Variants in PHF2 observed in about 807,000 individuals in gnomAD.
PHF2 encodes the protein lysine-specific demethylase PHF2.
Under a neutral mutation model 120.5 loss-of-function variants are expected in PHF2, and 27 were observed. That is an observed-to-expected ratio of 0.22 (90% CI 0.17 to 0.31). The LOEUF (loss-of-function observed/expected upper bound fraction) is 0.31, where lower values mean the gene tolerates loss of function less well. Ranked by LOEUF, PHF2 falls within the 10% of genes least tolerant of loss-of-function variation. PHF2 has a pLI of 1.00. For missense variants in PHF2, 1,024 were observed against 1,434.8 expected (o/e 0.71, Z 4.63); for synonymous variants, 568 against 592.5 (o/e 0.96, Z 0.60).
At chr9:93,609,985 G>A (rs556841073) in intron 1 of PHF2, among the ~76,000 whole-genome samples, 8 of 152,226 alleles carry the variant, frequency 5.3e-5, no homozygotes, top group Non-Finnish European at 8.8e-5. Flanking sequence ...GTGAGCCACC[G>A]CGCCTGACCT....
chr9:93,653,494 C>T, intron 6 of PHF2, 129 bp downstream of exon 6: 2 of 930,520 alleles, frequency 2.1e-6, no homozygotes, highest in Non-Finnish European at 3.2e-6. Flanking sequence ...ACTGTCCATC[C>T]CTGGGACAGG....
At chr9:93,602,165 A>G (rs140313373) in intron 1 of PHF2, among the ~76,000 whole-genome samples, 2 of 151,900 alleles carry the variant, frequency 1.3e-5, no homozygotes, top group African/African-American at 4.8e-5. Flanking sequence ...ACTATCGAAC[A>G]AAAGTATGTA....
intron 17 of PHF2, among the ~76,000 whole-genome samples, chr9:93,670,403 G>A (rs1826760504): frequency 6.6e-6 from 1 of 152,232 alleles, no homozygotes; most frequent in Admixed American, 6.5e-5. Flanking sequence ...GGGAAGCCTG[G>A]GGCACCTGTC....
At chr9:93,615,320 GATGATGGTGATGGTGATGATAGCA>G (rs1192288972) in intron 1 of PHF2, among the ~76,000 whole-genome samples, 2 of 151,652 alleles carry the variant, frequency 1.3e-5, no homozygotes, top group East Asian at 3.9e-4. Context: ...TAGTGATAGT[GATGATGGTGATGGTGATGATAGCA>G]ATGATGGTGA....
intron 1 of PHF2, among the ~76,000 whole-genome samples, chr9:93,613,719 T>C (rs1825676513): frequency 1.3e-5 from 2 of 152,044 alleles, no homozygotes; most frequent in Admixed American, 6.6e-5. Flanking sequence ...TTTACAGGCA[T>C]GTGCTACCAT....
At chr9:93,658,055 T>C in intron 9 of PHF2, 90 bp from the exon 10 acceptor site, 1 of 814,152 alleles carries the variant, frequency 1.2e-6, no homozygotes, top group Non-Finnish European at 2.0e-6. Context: ...AGGCTGGACC[T>C]GGCATCCCCC....
At chr9:93,651,940 G>A (rs1190354191) in intron 5 of PHF2, among the ~76,000 whole-genome samples, 2 of 152,238 alleles carry the variant, frequency 1.3e-5, no homozygotes, top group African/African-American at 2.4e-5. Flanking sequence ...GGGCCGTGAT[G>A]TGCCCAGACT....
chr9:93,577,790 C>T (rs991561124), intron 1 of PHF2, among the ~76,000 whole-genome samples: 19 of 152,172 alleles, frequency 1.2e-4, no homozygotes, highest in Admixed American at 1.0e-3. Flanking sequence ...TGGCCCCATG[C>T]CTAGGGCAGG....
intron 1 of PHF2, among the ~76,000 whole-genome samples, chr9:93,602,270 T>TTTTTG (rs767386152): frequency 1.5e-5 from 2 of 130,104 alleles, no homozygotes; most frequent in Admixed American, 8.0e-5. Context: ...TTTTTTTTTT[T>TTTTTG]GAGATGGAAT....
chr9:93,636,444 C>T lies in PHF2; in HGVS notation c.218C>T (p.Pro73Leu), dbSNP rs143115147. Reference protein sequence around the residue: ...KKKRTWHKHGPGQAPDVKPVQ... With the variant: ...KKKRTWHKHGLGQAPDVKPVQ... ...AAGCGGACCTGGCACAAACACGGCCCGGGGCAAGCGCCTGACGTCAAGCCC... is the reference window on the plus strand; with the variant it reads ...AAGCGGACCTGGCACAAACACGGCCTGGGGCAAGCGCCTGACGTCAAGCCC... The change falls in exon 3 of 22, where the codon CCG becomes CTG. Residue 73 changes from proline to leucine, a missense_variant. Around this residue, in one of 2 missense-constraint regions of PHF2, gnomAD observed 347 missense variants for 577.4 expected, o/e 0.60. Coordinates refer to ENST00000359246, the MANE Select transcript of PHF2 (RefSeq NM_005392.4). The T allele has an allele frequency of 4.9e-4, 788 of 1,610,108 alleles. 5 individuals are homozygous for T. In the African/African-American group the frequency reaches 8.4e-3, roughly 17 times the overall value.
intron 16 of PHF2, among the ~76,000 whole-genome samples, chr9:93,666,743 A>T (rs1303979936): frequency 6.6e-6 from 1 of 152,152 alleles, no homozygotes; most frequent in Non-Finnish European, 1.5e-5. Context: ...ATCCTGGCTA[A>T]CATGGTGAAA....
Position 93,663,534 on chromosome 9 carries a change from C to A in PHF2, c.1836C>A (p.Ser612=). The change falls in exon 14 of 22, where the codon TCC becomes TCA. Residue 612 remains serine (S), a synonymous_variant. Transcript: ENST00000359246. ...CTTTTCAGAACAGCAAACCTGACTC[C>A]TTACTGAAGATGGAAGAGGAGCAGA... The part of the protein sequence containing the change: ...KWKYKNSKPD[S]LLKMEEEQKL... The A allele has an allele frequency of 6.2e-7, 1 of 1,612,260 alleles. No individual in the cohort carries two copies. Among genetic ancestry groups the A allele is most frequent in the Non-Finnish European group, 8.5e-7 (1 of 1,178,754 alleles).
At chr9:93,657,955 G>A (rs1826489506) in intron 9 of PHF2, among the ~76,000 whole-genome samples, 190 bp from the exon 10 acceptor site, 1 of 152,156 alleles carries the variant, frequency 6.6e-6, no homozygotes, top group South Asian at 2.1e-4. Flanking sequence ...CTCAAGCAGG[G>A]CAGGCCACCA....
At chr9:93,633,706 GA>G (rs1209992960) in intron 2 of PHF2, among the ~76,000 whole-genome samples, 1 of 152,238 alleles carries the variant, frequency 6.6e-6, no homozygotes, top group Non-Finnish European at 1.5e-5. Context: ...CGCCCCACGA[GA>G]GAGGAGGTAC....
At chr9:93,636,061 C>T (rs3957504) in intron 2 of PHF2, among the ~76,000 whole-genome samples, 1,858 of 152,164 alleles carry the variant, frequency 0.012, 50 homozygotes, top group African/African-American at 0.041. Flanking sequence ...GAGGCCAAAC[C>T]GTGGCTGAGG....
chr9:93,663,443 C>T, intron 13 of PHF2, 74 bp from the exon 14 acceptor site: 1 of 901,868 alleles, frequency 1.1e-6, no homozygotes, highest in Admixed American at 2.2e-5. Context: ...TGCCTCTTCT[C>T]ACTGACACTA....
In PHF2 at chr9:93,649,095, C is replaced by T; in HGVS notation, c.485C>T (p.Thr162Ile). Residue 162 changes from threonine (T) to isoleucine (I), a missense_variant, in exon 5 of 22, where the codon ACA (threonine) becomes ATA (isoleucine). This residue lies in a region of PHF2 where 347 missense variants were observed against 577.4 expected (regional missense o/e 0.60). Coordinates refer to ENST00000359246, the MANE Select transcript of PHF2 (RefSeq NM_005392.4). ...YVGPERSVDV[T>I]DVTKQKDCKM... is the part of the protein sequence containing the mutation. ...GGGCCGGAACGGAGTGTGGATGTGA[C>T]AGATGTCACCAAGCAGAAGGACTGC... The T allele has an allele frequency of 6.4e-7, 1 of 1,551,376 alleles. No homozygotes were observed. The highest frequency in any genetic ancestry group is 8.7e-7 in the Non-Finnish European group (1 of 1,147,008).
intron 1 of PHF2, among the ~76,000 whole-genome samples, chr9:93,579,240 A>G (rs1587656286): frequency 6.6e-6 from 1 of 152,106 alleles, no homozygotes; most frequent in Non-Finnish European, 1.5e-5. Context: ...TTCTTTCCTG[A>G]TCTTCGTACC....
At position 93,674,938 on chromosome 9, in the gene PHF2, C is replaced by A; in HGVS notation, c.2638C>A (p.Leu880Met). 2.5e-6 allele frequency: 4 copies of A among 1,613,616 alleles called. No homozygotes were observed. Among genetic ancestry groups the A allele is most frequent in the Non-Finnish European group, 3.4e-6 (4 of 1,179,674 alleles). Residue 880 changes from leucine to methionine, a missense_variant, in exon 19 of 22, where the codon CTG becomes ATG. Around this residue, in one of 2 missense-constraint regions of PHF2, gnomAD observed 677 missense variants for 857.4 expected, o/e 0.79. Coordinates refer to ENST00000359246, the MANE Select transcript of PHF2 (RefSeq NM_005392.4). ...CTGCCTCCCTCTAGTTTACCCCTCACTGGAGTCAGATGAAGACAACCCCAT... is the reference window on the plus strand; with the variant it reads ...CTGCCTCCCTCTAGTTTACCCCTCAATGGAGTCAGATGAAGACAACCCCAT... ...FKDSDYVYPS[L>M]ESDEDNPIFK... is the part of the protein sequence containing the mutation.
Sources: allele counts gnomAD v4.1 joint callset (sites outside exome capture counted in the v4.1 genomes callset), GRCh38; gene constraint gnomAD v4.1.1; regional missense constraint gnomAD v4.1.1; transcripts MANE v1.5; gene names NCBI Gene and HGNC (gene_info 2026-07-23, HGNC 2026-07-21).